Variants in ATP9A observed in about 807,000 individuals in gnomAD.
ATP9A encodes the protein probable phospholipid-transporting ATPase IIA.
A neutral mutation model predicts 144.1 loss-of-function variants in ATP9A; 52 were observed. That is an observed-to-expected ratio of 0.36 (90% CI 0.29 to 0.45). The LOEUF is 0.45. ATP9A is among the 20% of genes least tolerant of loss of function. The pLI is 1.00. For missense variants in ATP9A, 947 were observed against 1,392.7 expected (o/e 0.68, Z 5.09); for synonymous variants, 582 against 557.4 (o/e 1.04, Z -0.62).
chr20:51,603,439 A>C (rs762972632), intron 27 of ATP9A, among the ~76,000 whole-genome samples: 33 of 152,184 alleles, frequency 2.2e-4, no homozygotes, highest in Non-Finnish European at 4.3e-4. Context: ...CCCGTGTTGC[A>C]AGTTCTAGTT....
intron 19 of ATP9A, 81 bp from the exon 20 acceptor site, chr20:51,619,124 C>T: frequency 7.7e-7 from 1 of 1,295,740 alleles, no homozygotes; most frequent in South Asian, 1.3e-5. Flanking sequence ...CAGGAGCCCA[C>T]ATGAAGACAA....
chr20:51,754,804 A>G (rs2077848845), intron 1 of ATP9A, among the ~76,000 whole-genome samples: 1 of 151,834 alleles, frequency 6.6e-6, no homozygotes, highest in Non-Finnish European at 1.5e-5. Context: ...CAACAGAGTG[A>G]GACACTGTCT....
rs1453186285 is a variant in ATP9A at position 51,723,822 on chromosome 20, T to C, written c.327+1997A>G. Among the ~76,000 whole-genome samples the C allele has an allele frequency of 2.0e-5, 3 of 152,206 alleles. No individual in the cohort carries two copies. In the East Asian group the frequency reaches 5.9e-4, roughly 30 times the overall value. ...CGCCCATCTCAGCCTCTCAAAATGC[T>C]GGAATTACAGGTGTGAGCCACCGTG... On this transcript the variant is annotated intron_variant, in intron 3 of 27. Transcript: ENST00000338821.
At chr20:51,602,169 G>T (rs933729898) in intron 27 of ATP9A, among the ~76,000 whole-genome samples, 1 of 152,016 alleles carries the variant, frequency 6.6e-6, no homozygotes, top group Non-Finnish European at 1.5e-5. Flanking sequence ...ATGGAAGGTG[G>T]GGGGGGCGGG....
Position 51,607,597 on chromosome 20 carries a change from C to T in ATP9A, c.2746-13G>A. On this transcript the variant is annotated splice_polypyrimidine_tract_variant and intron_variant, in intron 25 of 27. Transcript: ENST00000338821. ...ACAACGGCCGTCCCTGAATGAGAGA[C>T]AGAGAAAGGTTAGAGCCGGTTTCGC... is the stretch of plus-strand genomic sequence containing the variant. The T allele has an allele frequency of 1.2e-6, 2 of 1,610,422 alleles. No homozygotes were observed. The highest frequency in any genetic ancestry group is 1.7e-6 in the Non-Finnish European group (2 of 1,176,916).
intron 2 of ATP9A, among the ~76,000 whole-genome samples, chr20:51,726,748 T>C: frequency 6.6e-6 from 1 of 151,762 alleles, no homozygotes; most frequent in Admixed American, 6.6e-5. Context: ...CCAGCTAAAT[T>C]TTTTGCTATT....
chr20:51,760,749 G>A (rs2077876688), intron 1 of ATP9A, among the ~76,000 whole-genome samples: 1 of 149,132 alleles, frequency 6.7e-6, no homozygotes, highest in African/African-American at 2.5e-5. Context: ...AAAATGCCAG[G>A]TGCAGTGGCT....
chr20:51,600,455 T>C lies in ATP9A; in HGVS notation c.*756A>G, dbSNP rs577771984. On this transcript the variant is annotated 3_prime_UTR_variant, in exon 28 of 28. Transcript: ENST00000338821. ...CTTTGTGATTGTTACCAGGTCCCAA[T>C]AAAGCGGGATCACACCTCTGAAATT... 6.6e-6 allele frequency: 1 copy of C among 152,310 alleles called. No individual in the cohort carries two copies. The highest frequency in any genetic ancestry group is 6.5e-5 in the Admixed American group (1 of 15,300). 9.4% of individuals were successfully genotyped at this position (152,310 alleles called of 1,614,324 possible).
At chr20:51,679,273 G>A (rs900625093) in intron 9 of ATP9A, among the ~76,000 whole-genome samples, 6 of 152,114 alleles carry the variant, frequency 3.9e-5, no homozygotes, top group South Asian at 2.1e-4. Flanking sequence ...GCAGTGAGCC[G>A]AGATCACGCC....
intron 6 of ATP9A, 64 bp from the exon 7 acceptor site, chr20:51,694,166 C>T (rs780473963): frequency 5.4e-5 from 75 of 1,380,880 alleles, no homozygotes; most frequent in Non-Finnish European, 6.9e-5. Context: ...CAGCTCTGGG[C>T]AGCGTCTGCT....
At position 51,638,071 on chromosome 20, in the gene ATP9A, TTATATATATATATATATATATATATATA is replaced by T. The variant is rs56043552; in HGVS notation, c.1668+1244_1668+1271del. Among the ~76,000 whole-genome samples, 171 of 34,196 alleles carry T rather than the reference TTATATATATATATATATATATATATATA, an allele frequency of 5.0e-3. 7 individuals carry two copies. The highest frequency in any genetic ancestry group is 0.012 in the South Asian group (9 of 734). The allele number at this position is 34,196 out of a possible 152,430, so 22.4% of individuals were successfully genotyped here. On this transcript the variant is annotated intron_variant, in intron 15 of 27. Coordinates refer to ENST00000338821, the MANE Select transcript of ATP9A (RefSeq NM_006045.3). ...CATGGCTAAGTAGCATTTCATCATTTTATATATATATATATATATATATATATATATATATATATATATATATATATAT... is the reference window on the plus strand; with the variant it reads ...CATGGCTAAGTAGCATTTCATCATTTTATATATATATATATATATATATAT...
At chr20:51,608,922 C>CGTGTGTGTGTGTGTGTGTGTGTGT (rs1214031645) in intron 24 of ATP9A, among the ~76,000 whole-genome samples, 3 of 142,794 alleles carry the variant, frequency 2.1e-5, no homozygotes, top group African/African-American at 7.9e-5. Context: ...GGAAATAAGA[C>CGTGTGTGTGTGTGTGTGTGTGTGT]GTGTGTGTGT....
At chr20:51,752,727 C>T (rs1285430392) in intron 1 of ATP9A, among the ~76,000 whole-genome samples, 1 of 152,184 alleles carries the variant, frequency 6.6e-6, no homozygotes, top group Non-Finnish European at 1.5e-5. Flanking sequence ...AGTTAGGTGA[C>T]TTCTCAGGCC....
intron 19 of ATP9A, among the ~76,000 whole-genome samples, chr20:51,620,911 G>A (rs1311026645): frequency 6.6e-6 from 1 of 152,084 alleles, no homozygotes; most frequent in African/African-American, 2.4e-5. Context: ...ACTTTGGGAG[G>A]CTGAAGTGGG....
At chr20:51,733,507 G>A (rs62226749) in intron 1 of ATP9A, among the ~76,000 whole-genome samples, 33,864 of 151,806 alleles carry the variant, frequency 0.22, 3,938 homozygotes, top group South Asian at 0.39. Context: ...CTGAGTAGCT[G>A]GGATTACAGG....
At position 51,611,942 on chromosome 20, in the gene ATP9A, T is replaced by C. The variant is rs1048495043; in HGVS notation, c.2571+1735A>G. 2.6e-5 allele frequency among the ~76,000 whole-genome samples: 4 copies of C among 152,244 alleles called. No individual in the cohort carries two copies. Among genetic ancestry groups the C allele is most frequent in the East Asian group, 3.8e-4 (2 of 5,206 alleles). Reference sequence around the variant, plus strand: ...GTAGCCAGTGGACGGAAAATTCTCATGTACCCAAAGCAGCACTACCTGATA... The same window carrying C: ...GTAGCCAGTGGACGGAAAATTCTCACGTACCCAAAGCAGCACTACCTGATA... On this transcript the variant is annotated intron_variant, in intron 23 of 27. Coordinates refer to ENST00000338821, the MANE Select transcript of ATP9A (RefSeq NM_006045.3). This position sits in a 1 kb window ranked among gnomAD's most constrained non-coding sequence, Gnocchi z 4.2.
At chr20:51,682,605 T>TTTTTTTTTTTTTTTTTTC (rs2077504943) in intron 9 of ATP9A, among the ~76,000 whole-genome samples, 2 of 137,738 alleles carry the variant, frequency 1.5e-5, no homozygotes, top group African/African-American at 2.8e-5. Context: ...TTTTTTTTTT[T>TTTTTTTTTTTTTTTTTTC]TTGAGACAGA....
At chr20:51,651,321 AATATATATTT>A in intron 14 of ATP9A, among the ~76,000 whole-genome samples, 1 of 131,834 alleles carries the variant, frequency 7.6e-6, no homozygotes, top group African/African-American at 2.8e-5. Context: ...TATATTATAT[AATATATATTT>A]ACATAATATA....
intron 14 of ATP9A, among the ~76,000 whole-genome samples, chr20:51,649,109 C>T (rs928790770): frequency 6.6e-6 from 1 of 152,098 alleles, no homozygotes; most frequent in African/African-American, 2.4e-5. Context: ...TTCCACTGCA[C>T]TTGGAAGATG....
Sources: gnomAD v4.1 joint callset for allele counts (sites outside exome capture counted in the v4.1 genomes callset) on GRCh38, gnomAD v4.1.1 for gene constraint, Gnocchi (gnomAD v3.1) non-coding constraint, MANE v1.5 for transcripts, NCBI Gene and HGNC (gene_info 2026-07-23, HGNC 2026-07-21) for gene names.